DNAH10: variants seen among roughly 807,000 people sequenced by gnomAD.
DNAH10 encodes the protein dynein axonemal heavy chain 10, also known as axonemal beta dynein heavy chain 10.
A neutral mutation model predicts 506.6 loss-of-function variants in DNAH10; 348 were observed. That is an observed-to-expected ratio of 0.69 (90% CI 0.63 to 0.75). The LOEUF (loss-of-function observed/expected upper bound fraction) is 0.75. Among genes scored for constraint, DNAH10 ranks in the 30% least tolerant of loss-of-function variants. DNAH10 has a pLI of 0.00. For missense variants in DNAH10, 5,179 were observed against 5,787.1 expected (o/e 0.89, Z 3.41); for synonymous variants, 2,059 against 2,198.6 (o/e 0.94, Z 1.78).
chr12:123,772,164 T>G (rs551267480), intron 3 of DNAH10, among the ~76,000 whole-genome samples: 5 of 152,294 alleles, frequency 3.3e-5, no homozygotes, highest in African/African-American at 1.2e-4. Context: ...TGGCTGACCT[T>G]AGTTACTCAG....
intron 1 of DNAH10, among the ~76,000 whole-genome samples, chr12:123,765,829 C>T (rs941733809): frequency 7.0e-6 from 1 of 142,836 alleles, no homozygotes; most frequent in African/African-American, 2.9e-5. Context: ...ACATCTATCT[C>T]TATCTATATA....
At chr12:123,772,467 T>C (rs1957290130) in intron 3 of DNAH10, among the ~76,000 whole-genome samples, 1 of 152,140 alleles carries the variant, frequency 6.6e-6, no homozygotes, top group African/African-American at 2.4e-5. Flanking sequence ...AACCCCAAGG[T>C]TGGAGTTTAA....
At chr12:123,871,032 C>G (rs1952010459) in intron 44 of DNAH10, among the ~76,000 whole-genome samples, 1 of 152,086 alleles carries the variant, frequency 6.6e-6, no homozygotes, top group East Asian at 1.9e-4. Flanking sequence ...AGTGAGACAT[C>G]CCTGTTTTCT....
At chr12:123,778,706 G>GA (rs949741733) in intron 5 of DNAH10, among the ~76,000 whole-genome samples, 3 of 151,038 alleles carry the variant, frequency 2.0e-5, no homozygotes, top group Admixed American at 1.3e-4. Context: ...AAAAAAAAAA[G>GA]AAAAAAAATA....
At chr12:123,820,237 T>G (rs1200758568) in intron 23 of DNAH10, among the ~76,000 whole-genome samples, 1 of 151,960 alleles carries the variant, frequency 6.6e-6, no homozygotes, top group Non-Finnish European at 1.5e-5. Flanking sequence ...AACTGGGAAG[T>G]TAGAGTGGTA....
intron 25 of DNAH10, among the ~76,000 whole-genome samples, chr12:123,828,445 A>G (rs1960210011): frequency 6.6e-6 from 1 of 152,168 alleles, no homozygotes; most frequent in Admixed American, 6.5e-5. Flanking sequence ...GGGAGAGCTT[A>G]TCTGAGGCTT....
rs935998191 is a variant in DNAH10, at chr12:123,873,405, G to A, written c.7786-153G>A. ...AGAGGAACTCTTACTTTAGCACTTA[G>A]AAAATAATGAAGCACAGTCTCACAC... On this transcript the variant is annotated intron_variant, in intron 45 of 78. Coordinates refer to ENST00000673944, the MANE Select transcript of DNAH10 (RefSeq NM_001372106.1). Among the ~76,000 whole-genome samples the A allele has an allele frequency of 2.6e-5, 4 of 152,188 alleles. No individual in the cohort carries two copies. The East Asian group carries it at 7.7e-4, about 29-fold the overall frequency.
chr12:123,922,674 G>A (rs183463478), intron 65 of DNAH10, among the ~76,000 whole-genome samples: 21 of 152,246 alleles, frequency 1.4e-4, no homozygotes, highest in African/African-American at 4.1e-4. Flanking sequence ...GGTAGGTTTC[G>A]TTTCTCCTTA....
In DNAH10 at chr12:123,907,779, AC is replaced by A. The variant is rs759992929; in HGVS notation, c.9816-1479del. ...GGTGGCCGGGGCCTGGTTTCCATCC[AC>A]CCTGAAGGGACCTTTTAAAGACACT... On this transcript the variant is annotated intron_variant, in intron 57 of 78. Transcript: ENST00000673944. This position sits in a 1 kb window ranked among gnomAD's most constrained non-coding sequence, Gnocchi z 4.4. 5.9e-4 allele frequency among the ~76,000 whole-genome samples: 90 copies of A among 151,808 alleles called. No homozygotes were observed. The highest frequency in any genetic ancestry group is 3.4e-3 in the Middle Eastern group (1 of 294).
chr12:123,763,675 C>T (rs1273118196), intron 1 of DNAH10, among the ~76,000 whole-genome samples: 2 of 148,826 alleles, frequency 1.3e-5, no homozygotes, highest in Non-Finnish European at 3.0e-5. Context: ...GTGATTCTCC[C>T]ACCTCAGCTT....
chr12:123,917,805 G>T lies in DNAH10; in HGVS notation c.11224G>T (p.Ala3742Ser). ...VHTLEETKSK[A>S]TEVSEKLKLA... Reference sequence around the variant, plus strand: ...CACCCTGGAGGAGACCAAATCCAAGGCAACAGAGGTAGCAACCACAGTGGA... The same window carrying T: ...CACCCTGGAGGAGACCAAATCCAAGTCAACAGAGGTAGCAACCACAGTGGA... Residue 3742 changes from alanine (A) to serine (S), a missense_variant, in exon 64 of 79, where the codon GCA becomes TCA. Ala to Ser is a moderately conservative substitution (Grantham distance 99). Transcript: ENST00000673944. The surrounding 1 kb of genome is among the most constrained non-coding windows in gnomAD (Gnocchi z 5.6). 6.4e-7 allele frequency: 1 copy of T among 1,570,996 alleles called. No individual in the cohort carries two copies.
chr12:123,771,396 C>T (rs1194217913), intron 2 of DNAH10, among the ~76,000 whole-genome samples: 1 of 152,122 alleles, frequency 6.6e-6, no homozygotes, highest in Non-Finnish European at 1.5e-5. Context: ...TGATGGACAC[C>T]CTGTCAAAAA....
chr12:123,875,128 A>T, intron 46 of DNAH10, 103 bp from the exon 47 acceptor site: 1 of 1,333,760 alleles, frequency 7.5e-7, no homozygotes. Context: ...TGCCCTGGAG[A>T]GTAACGGGAA....
chr12:123,934,662 G>A lies in DNAH10; in HGVS notation c.13519G>A (p.Asp4507Asn). 6.2e-7 allele frequency: 1 copy of A among 1,613,744 alleles called. No homozygotes were observed. Among genetic ancestry groups the A allele is most frequent in the Non-Finnish European group, 8.5e-7 (1 of 1,179,784 alleles). The change falls in exon 78 of 79, where the codon GAT becomes AAT. Residue 4507 changes from aspartate (D) to asparagine (N), a missense_variant. Asp to Asn is a conservative substitution (Grantham distance 23). This residue lies in a region of DNAH10 where 4,844 missense variants were observed against 5,430.5 expected (regional missense o/e 0.89). Coordinates refer to ENST00000673944, the MANE Select transcript of DNAH10 (RefSeq NM_001372106.1). ...ACTGTACCTGGAAGGTGCTGACTGG[G>A]ATATAGAAAAAGGATGTCTTATCAA... ...SGLYLEGADW[D>N]IEKGCLIKSK...
intron 67 of DNAH10, 135 bp downstream of exon 67, chr12:123,924,567 C>A: frequency 8.9e-7 from 1 of 1,129,906 alleles, no homozygotes; most frequent in Non-Finnish European, 1.2e-6. Flanking sequence ...TGCCCTGTAA[C>A]TCCCTGATTG....
rs368037871 is a variant in DNAH10, at chr12:123,913,352, T to C, written c.10352+37T>C. The C allele has an allele frequency of 3.1e-5, 47 of 1,523,052 alleles. No individual in the cohort carries two copies. Among genetic ancestry groups the C allele is most frequent in the Non-Finnish European group, 4.0e-5 (45 of 1,132,236 alleles). The allele number at this position is 1,523,052 out of a possible 1,614,324, so 94.3% of individuals were successfully genotyped here. On this transcript the variant is annotated intron_variant, in intron 60 of 78. Transcript: ENST00000673944. This position sits in a 1 kb window ranked among gnomAD's most constrained non-coding sequence, Gnocchi z 5.1. ...TCACGAGCCCACCTGTTGCGGTTTG[T>C]AAACGGACGTCACCCACAGAGTTTC...
rs114581698 is a variant in DNAH10 at position 123,837,600 on chromosome 12, G to A, written c.4903-856G>A. Among the ~76,000 whole-genome samples, 1,341 of 147,718 alleles carry A rather than the reference G, an allele frequency of 9.1e-3. 15 individuals are homozygous for A. The highest frequency in any genetic ancestry group is 0.031 in the African/African-American group (1,232 of 39,802). ...ATTGTTCTTTTTTTTTTTTAGAGACGAGGTCTTGCCTTGTTGCCCAAGCTG... is the reference window on the plus strand; with the variant it reads ...ATTGTTCTTTTTTTTTTTTAGAGACAAGGTCTTGCCTTGTTGCCCAAGCTG... On this transcript the variant is annotated intron_variant, in intron 28 of 78. Transcript: ENST00000673944.
chr12:123,809,704 T>C (rs926421708), intron 19 of DNAH10, among the ~76,000 whole-genome samples: 9 of 149,776 alleles, frequency 6.0e-5, no homozygotes, highest in Non-Finnish European at 1.2e-4. Flanking sequence ...ATCCCTGTTG[T>C]AAACTGCCCC....
chr12:123,863,998 T>TA (rs1229191384), intron 39 of DNAH10, among the ~76,000 whole-genome samples: 1 of 152,244 alleles, frequency 6.6e-6, no homozygotes, highest in Non-Finnish European at 1.5e-5. Context: ...GGGCAGCCAC[T>TA]ACTCAGCATC....
Sources: allele counts gnomAD v4.1 joint callset (sites outside exome capture counted in the v4.1 genomes callset), GRCh38; gene constraint gnomAD v4.1.1; regional missense constraint gnomAD v4.1.1; non-coding constraint Gnocchi (gnomAD v3.1); transcripts MANE v1.5; gene names NCBI Gene and HGNC (gene_info 2026-07-23, HGNC 2026-07-21).